UPB1: variants seen among roughly 807,000 people sequenced by gnomAD.
UPB1 encodes beta-ureidopropionase 1.
In UPB1, 40 loss-of-function variants were observed where a neutral mutation model predicts 49.1. That is an observed-to-expected ratio of 0.81 (90% CI 0.63 to 1.06). The LOEUF is 1.06. UPB1 is among the 50% of genes least tolerant of loss of function. The pLI, the probability that UPB1 is intolerant of heterozygous loss-of-function variation, is 0.00. For missense variants in UPB1, 499 were observed against 505.9 expected, an observed-to-expected ratio of 0.99 and a Z score of 0.13; for synonymous variants, 207 against 198.2, an observed-to-expected ratio of 1.04 and a Z score of -0.38.
intron 4 of UPB1, among the ~76,000 whole-genome samples, chr22:24,512,704 A>G (rs1241893318): frequency 6.6e-6 from 1 of 152,064 alleles, no homozygotes; most frequent in Non-Finnish European, 1.5e-5. Flanking sequence ...AGCCCCTGGC[A>G]ACCACCGTTC....
chr22:24,507,434 C>T (rs572666193), intron 3 of UPB1, among the ~76,000 whole-genome samples: 2 of 151,998 alleles, frequency 1.3e-5, no homozygotes. Flanking sequence ...TTCCTGGGAC[C>T]GGAAGGAATT....
At chr22:24,511,357 T>C (rs1041482804) in intron 4 of UPB1, among the ~76,000 whole-genome samples, 1 of 152,122 alleles carries the variant, frequency 6.6e-6, no homozygotes, top group Non-Finnish European at 1.5e-5. Context: ...AGAAAGTAGA[T>C]AAGTGGTGGC....
intron 8 of UPB1, among the ~76,000 whole-genome samples, chr22:24,523,356 A>C (rs1207965713): frequency 6.6e-6 from 1 of 152,234 alleles, no homozygotes; most frequent in Non-Finnish European, 1.5e-5. Context: ...GGCTGTGGGT[A>C]GAAGTGACAC....
chr22:24,497,242 A>C (rs2043908686), intron 1 of UPB1, among the ~76,000 whole-genome samples: 1 of 152,220 alleles, frequency 6.6e-6, no homozygotes, highest in Non-Finnish European at 1.5e-5. Context: ...AAAATAGGAA[A>C]GAGACATAAA....
chr22:24,517,933 G>A (rs188580508), intron 6 of UPB1, among the ~76,000 whole-genome samples: 22 of 152,350 alleles, frequency 1.4e-4, no homozygotes, highest in Middle Eastern at 3.4e-3. Flanking sequence ...GGGAGGCCAA[G>A]GCTGGCGGAT....
chr22:24,523,696 C>G lies in UPB1; in HGVS notation c.994C>G (p.Arg332Gly), dbSNP rs758666376. The G allele has an allele frequency of 6.2e-7, 1 of 1,614,278 alleles. No homozygotes were observed. The highest frequency in any genetic ancestry group is 1.7e-5 in the Admixed American group (1 of 60,036). Residue 332 changes from arginine (R) to glycine (G), a missense_variant, in exon 9 of 10, where the codon CGT becomes GGT. Physicochemically the swap from Arg to Gly is moderately radical, Grantham distance 125. Transcript: ENST00000326010. ...CAGCAGCCGGACTCCTGGGCTGTCC[C>G]GTAGCCGGGATGGACTGCTAGTTGC... ...PDSSRTPGLS[R>G]SRDGLLVAKL...
chr22:24,527,692 C>T lies in UPB1; in HGVS notation c.*1898C>T, dbSNP rs1055208319. 1 of 152,038 alleles carries T rather than the reference C, an allele frequency of 6.6e-6. No homozygotes were observed. Among genetic ancestry groups the T allele is most frequent in the Non-Finnish European group, 1.5e-5 (1 of 68,034 alleles). 9.4% of individuals were successfully genotyped at this position (152,038 alleles called of 1,614,324 possible). A position where few individuals can be genotyped will look rare whatever the true frequency, so the allele number is the denominator to read the frequency against. ...GGCTAGGGTACTCCTGGACAGCCACCAAGGATGAGAAACCCTGATGGAGCT... is the reference window on the plus strand; with the variant it reads ...GGCTAGGGTACTCCTGGACAGCCACTAAGGATGAGAAACCCTGATGGAGCT... On this transcript the variant is annotated 3_prime_UTR_variant, in exon 10 of 10. Transcript: ENST00000326010.
chr22:24,500,713 G>A (rs1376201438), intron 2 of UPB1, among the ~76,000 whole-genome samples: 2 of 152,254 alleles, frequency 1.3e-5, no homozygotes, highest in Non-Finnish European at 2.9e-5. Context: ...AAGTCTGTCA[G>A]TTGTGGTGCC....
chr22:24,505,325 A>G (rs903051570), intron 3 of UPB1, among the ~76,000 whole-genome samples: 2 of 152,130 alleles, frequency 1.3e-5, no homozygotes, highest in African/African-American at 4.8e-5. Context: ...AGAATTGGGG[A>G]TTAAAAATCT....
chr22:24,496,371 A>AC (rs1491588703), intron 1 of UPB1, among the ~76,000 whole-genome samples: 1,415 of 121,226 alleles, frequency 0.012, 27 homozygotes, highest in African/African-American at 0.045. Context: ...GCCCTGTCTC[A>AC]AACACACACA....
At chr22:24,524,179 C>T (rs2044444336) in intron 9 of UPB1, among the ~76,000 whole-genome samples, 1 of 152,170 alleles carries the variant, frequency 6.6e-6, no homozygotes, top group Admixed American at 6.6e-5. Context: ...TTGACGATAG[C>T]AGGAAATGGG....
rs1317363643 is a variant in UPB1, at chr22:24,515,513, G to A, written c.791+143G>A. ...AGCTGAGCCCCCAGGATTGCATGTTGTACATGTGACCAGCTTTTCAGTGAA... is the reference window on the plus strand; with the variant it reads ...AGCTGAGCCCCCAGGATTGCATGTTATACATGTGACCAGCTTTTCAGTGAA... On this transcript the variant is annotated intron_variant, in intron 6 of 9. Coordinates refer to ENST00000326010, the MANE Select transcript of UPB1 (RefSeq NM_016327.3). 7 of 1,129,202 alleles carry A rather than the reference G, an allele frequency of 6.2e-6. No homozygotes were observed. The East Asian group carries it at 1.5e-4, about 24-fold the overall frequency. The allele number at this position is 1,129,202 out of a possible 1,614,324, so 69.9% of individuals were successfully genotyped here. A position where few individuals can be genotyped will look rare whatever the true frequency, so the allele number is the denominator to read the frequency against.
At chr22:24,505,531 A>G (rs1421213571) in intron 3 of UPB1, among the ~76,000 whole-genome samples, 1 of 152,056 alleles carries the variant, frequency 6.6e-6, no homozygotes, top group Admixed American at 6.5e-5. Context: ...GCTGATGTTT[A>G]CTCAATCCCT....
chr22:24,502,930 G>T, intron 3 of UPB1: 1 of 181,038 alleles, frequency 5.5e-6, no homozygotes, highest in South Asian at 1.1e-4. Flanking sequence ...GACTTACTCT[G>T]TCACCCAGGC....
At position 24,520,394 on chromosome 22, in the gene UPB1, C is replaced by T; in HGVS notation, c.799C>T (p.Leu267=). ...CTTGGTCCTCTCTTACAGCGAGTCC[C>T]TGTGGCCCATCGAGGCCAGAAACGC... ...SATIGALSES[L]WPIEARNAAI... Residue 267 remains leucine, a synonymous_variant, in exon 7 of 10, where the codon CTG becomes TTG. Transcript: ENST00000326010. 1.9e-6 allele frequency: 3 copies of T among 1,614,190 alleles called. No individual in the cohort carries two copies. Among genetic ancestry groups the T allele is most frequent in the South Asian group, 1.1e-5 (1 of 91,072 alleles).
intron 1 of UPB1, among the ~76,000 whole-genome samples, chr22:24,496,198 C>T (rs551052770): frequency 6.6e-6 from 1 of 152,038 alleles, no homozygotes; most frequent in Non-Finnish European, 1.5e-5. Context: ...GTGAGACACC[C>T]ATCTCTATAA....
intron 1 of UPB1, among the ~76,000 whole-genome samples, chr22:24,496,934 C>A (rs1006686542): frequency 6.6e-6 from 1 of 152,112 alleles, no homozygotes; most frequent in Admixed American, 6.5e-5. Flanking sequence ...AAGGCCTGAG[C>A]TGAGGGGAAG....
chr22:24,501,293 G>C (rs188766032), intron 2 of UPB1, among the ~76,000 whole-genome samples: 2 of 151,908 alleles, frequency 1.3e-5, no homozygotes, highest in Admixed American at 1.3e-4. Context: ...GAGTTTGTGC[G>C]CTCTGGGTTT....
Position 24,525,923 on chromosome 22 carries a change from A to AG in UPB1, c.*134dup. The AG allele has an allele frequency of 8.4e-7, 1 of 1,190,622 alleles. No individual in the cohort carries two copies. The allele number at this position is 1,190,622 out of a possible 1,614,324, so 73.8% of individuals were successfully genotyped here. On this transcript the variant is annotated 3_prime_UTR_variant, in exon 10 of 10. Coordinates refer to ENST00000326010, the MANE Select transcript of UPB1 (RefSeq NM_016327.3). ...CAGGTTGGTTTTAAAATTCCCAGGC[A>AG]GGGGGAGAGTGGCATGGGGAGTGAC...
Sources: allele counts gnomAD v4.1 joint callset (sites outside exome capture counted in the v4.1 genomes callset), GRCh38; gene constraint gnomAD v4.1.1; transcripts MANE v1.5; gene names NCBI Gene and HGNC (gene_info 2026-07-23, HGNC 2026-07-21).